ZRANB3: variants seen among roughly 807,000 people sequenced by gnomAD.
ZRANB3 encodes DNA annealing helicase and endonuclease ZRANB3.
ZRANB3 carries 125 observed loss-of-function variants against 133.8 expected under a neutral mutation model. That is an observed-to-expected ratio of 0.93 (90% CI 0.81 to 1.08). The LOEUF (loss-of-function observed/expected upper bound fraction) is 1.08. Among genes scored for constraint, ZRANB3 ranks in the 50% least tolerant of loss-of-function variants. ZRANB3 has a pLI of 0.00. For missense variants in ZRANB3, 1,229 were observed against 1,275.5 expected, an observed-to-expected ratio of 0.96 and a Z score of 0.56; for synonymous variants, 387 against 432.7, an observed-to-expected ratio of 0.89 and a Z score of 1.31.
intron 2 of ZRANB3, among the ~76,000 whole-genome samples, chr2:135,393,935 G>A (rs1218303426): frequency 6.6e-6 from 1 of 151,996 alleles, no homozygotes; most frequent in Non-Finnish European, 1.5e-5. Context: ...TCGGCTCACT[G>A]CAACCTCTGC....
intron 2 of ZRANB3, among the ~76,000 whole-genome samples, chr2:135,477,007 G>A (rs903915770): frequency 5.3e-5 from 8 of 151,992 alleles, no homozygotes; most frequent in African/African-American, 1.7e-4. Context: ...AGACATAAGC[G>A]ACCATGCCTA....
chr2:135,233,648 C>T (rs1236569846), intron 12 of ZRANB3, among the ~76,000 whole-genome samples: 2 of 152,136 alleles, frequency 1.3e-5, no homozygotes, highest in African/African-American at 2.4e-5. Flanking sequence ...TCAACATTCT[C>T]AAAGAAAAGA....
At chr2:135,275,596 T>A (rs1194056462) in intron 9 of ZRANB3, 40 bp downstream of exon 9, 2 of 1,515,478 alleles carry the variant, frequency 1.3e-6, no homozygotes, top group South Asian at 1.3e-5. Context: ...AGTAAAAATA[T>A]GCATTCTAAA....
intron 3 of ZRANB3, among the ~76,000 whole-genome samples, chr2:135,354,340 A>G (rs908420427): frequency 6.6e-6 from 1 of 152,224 alleles, no homozygotes; most frequent in Non-Finnish European, 1.5e-5. Context: ...GAGAAGTTAA[A>G]TTATTTAAAT....
chr2:135,241,618 CAAG>C (rs946769058), intron 12 of ZRANB3, among the ~76,000 whole-genome samples: 2 of 151,878 alleles, frequency 1.3e-5, no homozygotes, highest in Non-Finnish European at 2.9e-5. Flanking sequence ...GGGCTAGCAG[CAAG>C]AAGATCTGAT....
chr2:135,372,375 T>C (rs1003742792), intron 3 of ZRANB3, among the ~76,000 whole-genome samples: 9 of 152,152 alleles, frequency 5.9e-5, no homozygotes, highest in Non-Finnish European at 1.0e-4. Context: ...ATTTTTGTTA[T>C]AGGAGTCAGA....
chr2:135,246,229 A>G (rs951385380), intron 12 of ZRANB3, among the ~76,000 whole-genome samples: 2 of 151,660 alleles, frequency 1.3e-5, no homozygotes, highest in Admixed American at 6.6e-5. Context: ...AGACAGAGAC[A>G]TATCACCATC....
chr2:135,241,760 A>C (rs1010872529), intron 12 of ZRANB3, among the ~76,000 whole-genome samples: 3 of 152,202 alleles, frequency 2.0e-5, no homozygotes, highest in Admixed American at 2.0e-4. Flanking sequence ...AAAATACAGA[A>C]AGATAAATAG....
At chr2:135,223,256 A>C (rs1339802863) in intron 15 of ZRANB3, among the ~76,000 whole-genome samples, 2 of 152,078 alleles carry the variant, frequency 1.3e-5, no homozygotes, top group Non-Finnish European at 2.9e-5. Flanking sequence ...CCTAAAAAAA[A>C]CAAAAAATAC....
intron 2 of ZRANB3, among the ~76,000 whole-genome samples, chr2:135,454,815 C>G (rs188840838): frequency 1.8e-4 from 28 of 152,302 alleles, no homozygotes; most frequent in Admixed American, 1.5e-3. Flanking sequence ...ATACATACCA[C>G]ACTTACTTTA....
At chr2:135,358,483 T>C (rs1018470520) in intron 3 of ZRANB3, among the ~76,000 whole-genome samples, 2 of 152,198 alleles carry the variant, frequency 1.3e-5, no homozygotes, top group South Asian at 2.1e-4. Flanking sequence ...TGGGAGCTAA[T>C]AATGTATTAT....
chr2:135,273,699 C>T lies in ZRANB3; in HGVS notation c.1087-1812G>A, dbSNP rs371889277. Among the ~76,000 whole-genome samples, 54 of 152,176 alleles carry T rather than the reference C, an allele frequency of 3.5e-4. 1 individual carries two copies. In the South Asian group the frequency reaches 9.8e-3, roughly 28 times the overall value. ...GATTACAGGCATGTGCCACCACGCC[C>T]GGCTAATTCTTATTTTTAGTAGAGA... On this transcript the variant is annotated intron_variant, in intron 9 of 20. Coordinates refer to ENST00000264159, the MANE Select transcript of ZRANB3 (RefSeq NM_032143.4).
At chr2:135,256,021 C>T (rs2105100880) in intron 12 of ZRANB3, among the ~76,000 whole-genome samples, 1 of 150,924 alleles carries the variant, frequency 6.6e-6, no homozygotes, top group South Asian at 2.1e-4. Flanking sequence ...CTCAGGTGAT[C>T]CTCTCACCTC....
chr2:135,326,898 C>CAA (rs56683794), intron 6 of ZRANB3, among the ~76,000 whole-genome samples: 147 of 61,204 alleles, frequency 2.4e-3, no homozygotes, highest in Non-Finnish European at 4.3e-3. Context: ...GACTCCATCT[C>CAA]AAAAAAAAAA....
At chr2:135,481,369 T>C (rs1691796303) in intron 2 of ZRANB3, among the ~76,000 whole-genome samples, 1 of 152,228 alleles carries the variant, frequency 6.6e-6, no homozygotes, top group Admixed American at 6.5e-5. Context: ...TGGCCAGTGA[T>C]GATGAGCATT....
chr2:135,272,658 C>T (rs1680586966), intron 9 of ZRANB3, among the ~76,000 whole-genome samples: 1 of 151,792 alleles, frequency 6.6e-6, no homozygotes, highest in African/African-American at 2.4e-5. Flanking sequence ...CGTGATTCCC[C>T]CGCCTCATCG....
At chr2:135,253,736 T>C (rs1470612371) in intron 12 of ZRANB3, among the ~76,000 whole-genome samples, 1 of 152,212 alleles carries the variant, frequency 6.6e-6, no homozygotes, top group African/African-American at 2.4e-5. Context: ...CACCAGGTGA[T>C]AGGAACTTTT....
chr2:135,476,809 T>C (rs975904742), intron 2 of ZRANB3, among the ~76,000 whole-genome samples: 6 of 151,628 alleles, frequency 4.0e-5, no homozygotes, highest in Non-Finnish European at 1.5e-5. Flanking sequence ...GCTCATGAGA[T>C]CCTTCCACAT....
chr2:135,214,580 G>C (rs1411603934), intron 17 of ZRANB3, among the ~76,000 whole-genome samples: 4 of 152,128 alleles, frequency 2.6e-5, no homozygotes, highest in Non-Finnish European at 5.9e-5. Flanking sequence ...ATGATCATGT[G>C]AGAAAGAGAA....
Sources: gnomAD v4.1 joint callset for allele counts (sites outside exome capture counted in the v4.1 genomes callset) on GRCh38, gnomAD v4.1.1 for gene constraint, MANE v1.5 for transcripts, NCBI Gene and HGNC (gene_info 2026-07-23, HGNC 2026-07-21) for gene names.